Variants in SLC6A18 observed in about 807,000 individuals in gnomAD.
The protein encoded by SLC6A18 is inactive sodium-dependent neutral amino acid transporter B(0)AT3.
SLC6A18 carries 58 observed loss-of-function variants against 62.9 expected under a neutral mutation model. The observed-to-expected ratio is 0.92, with a 90% CI of 0.75 to 1.15. The LOEUF is 1.15. SLC6A18 is among the 50% of genes most tolerant of loss of function. The probability of loss-of-function intolerance (pLI) is 0.00; values close to 1 mark genes in which losing one functional copy is unlikely to be tolerated. For missense variants in SLC6A18, 793 were observed against 836.6 expected (o/e 0.95, Z 0.64); for synonymous variants, 382 against 365.8 (o/e 1.04, Z -0.51).
At chr5:1,238,798 T>G (rs1166376027) in intron 5 of SLC6A18, among the ~76,000 whole-genome samples, 1 of 152,140 alleles carries the variant, frequency 6.6e-6, no homozygotes, top group Non-Finnish European at 1.5e-5. Context: ...GGACTGGATG[T>G]CCCTGCTCTG....
chr5:1,226,208 C>T (rs1746558075), intron 1 of SLC6A18, among the ~76,000 whole-genome samples: 1 of 152,182 alleles, frequency 6.6e-6, no homozygotes, highest in Non-Finnish European at 1.5e-5. Context: ...GACTCACCAC[C>T]CCCAGAAGTG....
At chr5:1,227,970 C>T (rs958215374) in intron 1 of SLC6A18, among the ~76,000 whole-genome samples, 7 of 152,190 alleles carry the variant, frequency 4.6e-5, no homozygotes, top group Non-Finnish European at 8.8e-5. Flanking sequence ...CAAGCGCGCC[C>T]CCTCCCCGCT....
intron 10 of SLC6A18, 93 bp from the exon 11 acceptor site, chr5:1,244,515 G>A: frequency 3.2e-6 from 5 of 1,547,084 alleles, no homozygotes; most frequent in Non-Finnish European, 3.5e-6. Context: ...ACCAGAGGGT[G>A]CAGGTTGGAC....
intron 4 of SLC6A18, among the ~76,000 whole-genome samples, chr5:1,236,983 C>G (rs1435934366): frequency 6.6e-6 from 1 of 151,880 alleles, no homozygotes; most frequent in Non-Finnish European, 1.5e-5. Flanking sequence ...CCTGTAATCC[C>G]AGCACTTTGG....
intron 10 of SLC6A18, 25 bp from the exon 11 acceptor site, chr5:1,244,583 A>C: frequency 3.2e-6 from 5 of 1,575,540 alleles, no homozygotes; most frequent in Non-Finnish European, 4.3e-6. Context: ...GACCATGTGA[A>C]GCCTGAGCCC....
In SLC6A18 at chr5:1,244,152, A is replaced by G. The variant is rs1747145749; in HGVS notation, c.1337-62A>G. ...GGTCTGCCTGGCTGGCTTCCTCCTG[A>G]CCCTCCCCACACCTCCACTCCCCAT... On this transcript the variant is annotated intron_variant, in intron 9 of 11. Coordinates refer to ENST00000324642, the MANE Select transcript of SLC6A18 (RefSeq NM_182632.3). 12 of 1,384,926 alleles carry G rather than the reference A, an allele frequency of 8.7e-6. 1 individual carries two copies. The Admixed American group carries it at 1.7e-4, about 20-fold the overall frequency. The allele number at this position is 1,384,926 out of a possible 1,614,324, so 85.8% of individuals were successfully genotyped here. A position where few individuals can be genotyped will look rare whatever the true frequency, so the allele number is the denominator to read the frequency against.
chr5:1,229,020 C>T (rs1316500362), intron 1 of SLC6A18, among the ~76,000 whole-genome samples: 7 of 152,252 alleles, frequency 4.6e-5, no homozygotes, highest in Admixed American at 1.3e-4. Flanking sequence ...CCCGTGCCCA[C>T]GCAGGCCGGG....
chr5:1,229,831 A>G (rs7718167), intron 1 of SLC6A18, among the ~76,000 whole-genome samples: 7,883 of 147,116 alleles, frequency 0.054, 606 homozygotes, highest in African/African-American at 0.18. Flanking sequence ...GGGGAAAGGT[A>G]AGAGGGGCTC....
chr5:1,240,636 T>C lies in SLC6A18; in HGVS notation c.951T>C (p.Asn317=). The stretch of plus-strand genomic sequence containing the variant: ...CTGTCCTGGGGTTCAAAGCAACTAA[T>C]GACTACGAGCACTGCCTGGACAGGT... ...VFSVLGFKAT[N]DYEHCLDRNI... is the part of the protein sequence containing the mutation. The change falls in exon 7 of 12, where the codon AAT becomes AAC. Residue 317 remains asparagine, a synonymous_variant. Coordinates refer to ENST00000324642, the MANE Select transcript of SLC6A18 (RefSeq NM_182632.3). 6.2e-7 allele frequency: 1 copy of C among 1,614,044 alleles called. No individual in the cohort carries two copies. The highest frequency in any genetic ancestry group is 1.7e-5 in the Admixed American group (1 of 60,014).
intron 1 of SLC6A18, 141 bp downstream of exon 1, chr5:1,225,778 G>A (rs976879125): frequency 1.5e-5 from 15 of 1,026,484 alleles, no homozygotes; most frequent in Admixed American, 5.9e-5. Flanking sequence ...CATTGCCCAC[G>A]GCAGAGTCAG....
At chr5:1,226,968 ACCGACGC>A (rs1349853048) in intron 1 of SLC6A18, among the ~76,000 whole-genome samples, 6 of 67,576 alleles carry the variant, frequency 8.9e-5, no homozygotes, top group African/African-American at 1.4e-4. Context: ...CGCCTTGCCC[ACCGACGC>A]CTTGCCCACC....
At position 1,225,890 on chromosome 5, in the gene SLC6A18, C is replaced by T. The variant is rs534185594; in HGVS notation, c.160+253C>T. Among the ~76,000 whole-genome samples, 5 of 152,244 alleles carry T rather than the reference C, an allele frequency of 3.3e-5. 1 individual carries two copies. The South Asian group carries it at 6.2e-4, about 19-fold the overall frequency. On this transcript the variant is annotated intron_variant, in intron 1 of 11. Coordinates refer to ENST00000324642, the MANE Select transcript of SLC6A18 (RefSeq NM_182632.3). ...CCCCTCGGGGTCCACTATGGTCTTC[C>T]GGGACCTCAGGGCAGCTTCCTGCCA... is the stretch of plus-strand genomic sequence containing the variant.
chr5:1,244,444 A>G, intron 10 of SLC6A18, 71 bp downstream of exon 10: 1 of 1,592,200 alleles, frequency 6.3e-7, no homozygotes, highest in Non-Finnish European at 8.6e-7. Context: ...TGCCGGGCAC[A>G]GGTTCAACCC....
intron 1 of SLC6A18, among the ~76,000 whole-genome samples, chr5:1,226,914 AATGCCTTGCCCACCG>A (rs1182976550): frequency 6.6e-6 from 1 of 151,222 alleles, no homozygotes; most frequent in African/African-American, 2.4e-5. Flanking sequence ...CTTGTTCGCC[AATGCCTTGCCCACCG>A]ATGCCTTTCC....
chr5:1,239,210 G>T (rs571411550), intron 5 of SLC6A18, among the ~76,000 whole-genome samples: 1 of 152,224 alleles, frequency 6.6e-6, no homozygotes, highest in African/African-American at 2.4e-5. Context: ...TCTCATGTGC[G>T]CCTGACAGCC....
In SLC6A18 at chr5:1,243,707, C is replaced by T. The variant is rs374489811; in HGVS notation, c.1284C>T (p.Pro428=). The T allele has an allele frequency of 5.5e-5, 89 of 1,613,658 alleles. No homozygotes were observed. Among genetic ancestry groups the T allele is most frequent in the Non-Finnish European group, 7.1e-5 (84 of 1,179,922 alleles). Residue 428 remains proline, a synonymous_variant, in exon 9 of 12, where the codon CCC becomes CCT. Transcript: ENST00000324642. This position sits in a 1 kb window ranked among gnomAD's most constrained non-coding sequence, Gnocchi z 6.5. ...GGACCGTGGAGGCGGTCATCACACC[C>T]CTGCTGGACGTGGGGGTCCTGCCTA... ...MFGTVEAVIT[P]LLDVGVLPRW... is the part of the protein sequence containing the mutation.
In SLC6A18 at chr5:1,243,434, A is replaced by C. The variant is rs1747119794; in HGVS notation, c.1132-121A>C. 8.7e-7 allele frequency: 1 copy of C among 1,147,492 alleles called. No homozygotes were observed. The highest frequency in any genetic ancestry group is 1.3e-6 in the Non-Finnish European group (1 of 798,420). The allele number at this position is 1,147,492 out of a possible 1,614,324, so 71.1% of individuals were successfully genotyped here. On this transcript the variant is annotated intron_variant, in intron 8 of 11. Coordinates refer to ENST00000324642, the MANE Select transcript of SLC6A18 (RefSeq NM_182632.3). The surrounding 1 kb of genome is among the most constrained non-coding windows in gnomAD (Gnocchi z 6.5). ...CCCTGAGCCACCTCAGCCCGACACC[A>C]GGAGGGGTGATGTGCACTCGTGTCC...
intron 5 of SLC6A18, 96 bp downstream of exon 5, chr5:1,238,156 C>A: frequency 1.0e-6 from 1 of 967,590 alleles, no homozygotes; most frequent in Non-Finnish European, 1.6e-6. Context: ...CGTGAGAGGC[C>A]AGGAGCCACT....
chr5:1,228,613 C>T (rs995896871), intron 1 of SLC6A18, among the ~76,000 whole-genome samples: 11 of 152,256 alleles, frequency 7.2e-5, no homozygotes, highest in African/African-American at 2.4e-4. Flanking sequence ...GCAGACACCA[C>T]TGCGTCCTCC....
Sources: allele counts gnomAD v4.1 joint callset (sites outside exome capture counted in the v4.1 genomes callset), GRCh38; gene constraint gnomAD v4.1.1; non-coding constraint Gnocchi (gnomAD v3.1); transcripts MANE v1.5; gene names NCBI Gene and HGNC (gene_info 2026-07-23, HGNC 2026-07-21).